The following PAX7 variants were observed in gnomAD, a reference collection of about 807,000 sequenced individuals.
PAX7 encodes the protein paired box 7.
PAX7 carries 18 observed loss-of-function variants against 50.7 expected under a neutral mutation model. The observed-to-expected ratio is 0.36, with a 90% CI of 0.25 to 0.53. The LOEUF (loss-of-function observed/expected upper bound fraction) is 0.53. Ranked by LOEUF, PAX7 falls within the 20% of genes least tolerant of loss-of-function variation. PAX7 has a pLI of 0.93. For synonymous variants in PAX7, 310 were observed against 290.4 expected, an observed-to-expected ratio of 1.07 and a Z score of -0.69; for missense variants, 644 against 702.9, an observed-to-expected ratio of 0.92 and a Z score of 0.95.
chr1:18,686,796 A>G (rs1197185171), intron 4 of PAX7, among the ~76,000 whole-genome samples: 1 of 151,914 alleles, frequency 6.6e-6, no homozygotes, highest in Non-Finnish European at 1.5e-5. Flanking sequence ...TTCTGTCATC[A>G]CCACCGTCAT....
chr1:18,738,201 G>T (rs1178664286), intron 8 of PAX7, among the ~76,000 whole-genome samples: 9 of 152,130 alleles, frequency 5.9e-5, no homozygotes, highest in Non-Finnish European at 1.2e-4. Flanking sequence ...TGAGAGCAGG[G>T]TGCACGCATG....
intron 7 of PAX7, among the ~76,000 whole-genome samples, chr1:18,732,500 C>A (rs1313576590): frequency 6.6e-6 from 1 of 152,198 alleles, no homozygotes; most frequent in Admixed American, 6.5e-5. Flanking sequence ...CAGACTGGCA[C>A]ATAGTAGCAC....
chr1:18,667,199 C>T (rs899386406), intron 4 of PAX7, among the ~76,000 whole-genome samples: 3 of 152,098 alleles, frequency 2.0e-5, no homozygotes, highest in African/African-American at 7.2e-5. Context: ...AGCTGCTTTA[C>T]CTCTCTGTGC....
intron 7 of PAX7, among the ~76,000 whole-genome samples, chr1:18,706,671 C>G (rs1473270294): frequency 6.6e-6 from 1 of 151,928 alleles, no homozygotes; most frequent in Non-Finnish European, 1.5e-5. Context: ...TTAGTAGAGA[C>G]AGGGTTTTGC....
chr1:18,658,949 C>T (rs117618374), intron 4 of PAX7, among the ~76,000 whole-genome samples: 2 of 152,176 alleles, frequency 1.3e-5, no homozygotes, highest in East Asian at 3.9e-4. Context: ...TGTGTGTGTG[C>T]ATGCACGTAT....
chr1:18,695,956 A>T (rs1035124934), intron 5 of PAX7, among the ~76,000 whole-genome samples: 2 of 151,722 alleles, frequency 1.3e-5, no homozygotes, highest in African/African-American at 4.8e-5. Context: ...TAGGGGTGGG[A>T]TGTTCTGAAC....
intron 8 of PAX7, among the ~76,000 whole-genome samples, chr1:18,738,083 G>A (rs1235560467): frequency 6.6e-6 from 1 of 152,198 alleles, no homozygotes; most frequent in Admixed American, 6.5e-5. Context: ...GTGTGGCTGT[G>A]TGTACATGTG....
Position 18,703,166 on chromosome 1 carries a change from C to T in PAX7, c.1025C>T (p.Ala342Val). Residue 342 changes from alanine to valine, a missense_variant, in exon 7 of 9, where the codon GCG becomes GTG. Transcript: ENST00000420770. ...STMHQGGLAAAAAAADTSSAY... is the reference protein window; with the variant it reads ...STMHQGGLAAVAAAADTSSAY... ...ATGCACCAGGGCGGGCTGGCTGCAG[C>T]GGCTGCAGCCGCCGACACCAGCTCT... 1.2e-6 allele frequency: 2 copies of T among 1,611,464 alleles called. No homozygotes were observed. Among genetic ancestry groups the T allele is most frequent in the African/African-American group, 1.3e-5 (1 of 75,054 alleles).
chr1:18,742,368 G>A (rs956948950), intron 8 of PAX7, among the ~76,000 whole-genome samples: 3 of 152,168 alleles, frequency 2.0e-5, no homozygotes, highest in African/African-American at 7.2e-5. Context: ...GTGTTAGCCA[G>A]GATGGTCTCA....
Position 18,632,438 on chromosome 1 carries a change from G to A in PAX7, c.85+750G>A, listed in dbSNP as rs552069085. Among the ~76,000 whole-genome samples, 1 of 152,286 alleles carries A rather than the reference G, an allele frequency of 6.6e-6. No individual in the cohort carries two copies. The highest frequency in any genetic ancestry group is 2.4e-5 in the African/African-American group (1 of 41,570). ...CCTAAACATCCAGCGCCCGCCCGGGGAGACCCGATAGGACGGGCGGCGGCG... is the reference window on the plus strand; with the variant it reads ...CCTAAACATCCAGCGCCCGCCCGGGAAGACCCGATAGGACGGGCGGCGGCG... On this transcript the variant is annotated intron_variant, in intron 1 of 8. Transcript: ENST00000420770. The surrounding 1 kb of genome is among the most constrained non-coding windows in gnomAD (Gnocchi z 6.3).
chr1:18,697,267 A>G (rs2089161956), intron 5 of PAX7, among the ~76,000 whole-genome samples: 1 of 152,194 alleles, frequency 6.6e-6, no homozygotes, highest in Non-Finnish European at 1.5e-5. Context: ...CTGCTTTCAA[A>G]GAACTCAGTC....
At chr1:18,704,439 G>A (rs1039217725) in intron 7 of PAX7, among the ~76,000 whole-genome samples, 28 of 152,114 alleles carry the variant, frequency 1.8e-4, no homozygotes, top group Non-Finnish European at 3.2e-4. Context: ...TGGCCAGTAC[G>A]GTGAAACTTT....
At chr1:18,728,630 G>A (rs1421085216) in intron 7 of PAX7, among the ~76,000 whole-genome samples, 2 of 151,526 alleles carry the variant, frequency 1.3e-5, no homozygotes, top group Admixed American at 6.6e-5. Flanking sequence ...GGAGGCCAAG[G>A]CAGCCAGATC....
At chr1:18,677,938 C>T (rs1284608145) in intron 4 of PAX7, among the ~76,000 whole-genome samples, 1 of 151,732 alleles carries the variant, frequency 6.6e-6, no homozygotes. Context: ...AAAAATTAGC[C>T]GGGCGTGGTG....
chr1:18,715,387 G>C (rs2089406176), intron 7 of PAX7, among the ~76,000 whole-genome samples: 3 of 152,184 alleles, frequency 2.0e-5, no homozygotes. Context: ...ATAGTAATAA[G>C]TAAAATGTTT....
At chr1:18,733,529 G>A (rs750044992) in intron 7 of PAX7, among the ~76,000 whole-genome samples, 1 of 152,088 alleles carries the variant, frequency 6.6e-6, no homozygotes, top group African/African-American at 2.4e-5. Flanking sequence ...GCCAGTTGAC[G>A]GTCTCAGCTG....
chr1:18,682,467 G>A (rs563671505), intron 4 of PAX7, among the ~76,000 whole-genome samples: 2 of 152,264 alleles, frequency 1.3e-5, no homozygotes, highest in East Asian at 1.9e-4. Flanking sequence ...AATCTCCTTC[G>A]AGAAGAAGCA....
At chr1:18,674,445 C>T (rs2088796156) in intron 4 of PAX7, among the ~76,000 whole-genome samples, 1 of 151,976 alleles carries the variant, frequency 6.6e-6, no homozygotes, top group African/African-American at 2.4e-5. Context: ...AGGGAAAGAG[C>T]CAGGGTGGAG....
intron 7 of PAX7, among the ~76,000 whole-genome samples, chr1:18,727,376 A>T (rs879561050): frequency 0.32 from 30,043 of 94,812 alleles, 3,083 homozygotes; most frequent in Middle Eastern, 0.42. Flanking sequence ...TCTCATACAC[A>T]CACACACACA....
Sources: gnomAD v4.1 joint callset for allele counts (sites outside exome capture counted in the v4.1 genomes callset) on GRCh38, gnomAD v4.1.1 for gene constraint, Gnocchi (gnomAD v3.1) non-coding constraint, MANE v1.5 for transcripts, NCBI Gene and HGNC (gene_info 2026-07-23, HGNC 2026-07-21) for gene names.